NDC80: variants seen among roughly 807,000 people sequenced by gnomAD.
The protein encoded by NDC80 is kinetochore protein NDC80 homolog.
NDC80 carries 69 observed loss-of-function variants against 89.3 expected under a neutral mutation model. The observed-to-expected ratio is 0.77, with a 90% CI of 0.64 to 0.94. The LOEUF (loss-of-function observed/expected upper bound fraction) is 0.94, where lower values mean the gene tolerates loss of function less well. Among genes scored for constraint, NDC80 ranks in the 40% least tolerant of loss-of-function variants. The pLI is 0.00. For synonymous variants in NDC80, 243 were observed against 255.6 expected, an observed-to-expected ratio of 0.95 and a Z score of 0.47; for missense variants, 593 against 739.6, an observed-to-expected ratio of 0.80 and a Z score of 2.30.
chr18:2,593,371 T>G (rs549226786), intron 10 of NDC80, among the ~76,000 whole-genome samples: 1 of 152,222 alleles, frequency 6.6e-6, no homozygotes, highest in Admixed American at 6.5e-5. Flanking sequence ...AGGACTGCGT[T>G]AAGATCCAGT....
At chr18:2,605,297 TGTG>T (rs2072705374) in intron 13 of NDC80, among the ~76,000 whole-genome samples, 2 of 148,262 alleles carry the variant, frequency 1.3e-5, no homozygotes, top group East Asian at 3.9e-4. Flanking sequence ...TGTGTGTGTG[TGTG>T]TGTGTGTGTG....
rs572649620 is a variant in NDC80, at chr18:2,590,694, G to A, written c.1015+532G>A. 1.9e-4 allele frequency among the ~76,000 whole-genome samples: 29 copies of A among 152,244 alleles called. No homozygotes were observed. The East Asian group carries it at 4.2e-3, about 22-fold the overall frequency. On this transcript the variant is annotated intron_variant, in intron 10 of 16. Coordinates refer to ENST00000261597, the MANE Select transcript of NDC80 (RefSeq NM_006101.3). ...TGCAAAGACCCTTTTCCCAAATAAG[G>A]TAATTTCACAGTTTCCAGAGATAGA...
intron 16 of NDC80, among the ~76,000 whole-genome samples, chr18:2,614,763 C>T (rs1053272037): frequency 5.9e-5 from 9 of 152,128 alleles, no homozygotes; most frequent in Admixed American, 1.3e-4. Flanking sequence ...TAGTGCCCCC[C>T]GCAAAAGTCA....
intron 13 of NDC80, among the ~76,000 whole-genome samples, chr18:2,603,577 T>G (rs9957301): frequency 0.063 from 9,580 of 151,582 alleles, 328 homozygotes; most frequent in African/African-American, 0.082. Context: ...ACAAAACATT[T>G]AACCTGAAAA....
At chr18:2,574,965 A>C in intron 2 of NDC80, 24 bp from the exon 3 acceptor site, 2 of 1,446,600 alleles carry the variant, frequency 1.4e-6, no homozygotes, top group Non-Finnish European at 1.9e-6. Context: ...TATTTTAAAG[A>C]GTTGTTTTCT....
intron 6 of NDC80, among the ~76,000 whole-genome samples, chr18:2,581,854 C>T (rs1267150886): frequency 6.6e-6 from 1 of 152,034 alleles, no homozygotes; most frequent in Non-Finnish European, 1.5e-5. Flanking sequence ...TCCTCACTCT[C>T]TAAATTATTT....
chr18:2,605,555 T>C (rs2143663839), intron 13 of NDC80, among the ~76,000 whole-genome samples: 1 of 152,288 alleles, frequency 6.6e-6, no homozygotes, highest in African/African-American at 2.4e-5. Context: ...ACTGCAGATA[T>C]AACATACCTT....
intron 3 of NDC80, among the ~76,000 whole-genome samples, chr18:2,576,131 C>T (rs765698420): frequency 2.4e-4 from 37 of 152,212 alleles, no homozygotes; most frequent in Middle Eastern, 3.4e-3. Flanking sequence ...GAAACATTAT[C>T]TAGTCCAACA....
chr18:2,592,019 G>C (rs929790349), intron 10 of NDC80, among the ~76,000 whole-genome samples: 1 of 152,106 alleles, frequency 6.6e-6, no homozygotes, highest in Non-Finnish European at 1.5e-5. Context: ...CTCCCAAAGT[G>C]CTGGGATTGC....
intron 10 of NDC80, among the ~76,000 whole-genome samples, chr18:2,592,099 C>T (rs2072630701): frequency 6.6e-6 from 1 of 152,120 alleles, no homozygotes; most frequent in South Asian, 2.1e-4. Context: ...TTCTTGTCAG[C>T]ATATGATCAA....
chr18:2,614,641 G>T lies in NDC80; in HGVS notation c.1792-1796G>T, dbSNP rs8098419. On this transcript the variant is annotated intron_variant, in intron 16 of 16. Transcript: ENST00000261597. Reference sequence around the variant, plus strand: ...AGAAAGAAAGAAAGAAAGAAAGAAAGAAAGAAAGAAAGAAATAAATTTGGC... The same window carrying T: ...AGAAAGAAAGAAAGAAAGAAAGAAATAAAGAAAGAAAGAAATAAATTTGGC... Among the ~76,000 whole-genome samples the T allele has an allele frequency of 7.7e-5, 6 of 77,516 alleles. 2 individuals are homozygous for T. The highest frequency in any genetic ancestry group is 1.2e-4 in the Non-Finnish European group (5 of 40,032). The allele number at this position is 77,516 out of a possible 152,430, so 50.9% of individuals were successfully genotyped here. A position where few individuals can be genotyped will look rare whatever the true frequency, so the allele number is the denominator to read the frequency against.
At chr18:2,598,127 T>C (rs1025256439) in intron 11 of NDC80, among the ~76,000 whole-genome samples, 1 of 152,208 alleles carries the variant, frequency 6.6e-6, no homozygotes, top group Non-Finnish European at 1.5e-5. Context: ...ATCTAATGCA[T>C]TTTTGGAAAT....
chr18:2,616,055 T>G (rs888857726), intron 16 of NDC80, among the ~76,000 whole-genome samples: 5 of 152,280 alleles, frequency 3.3e-5, no homozygotes, highest in Middle Eastern at 3.4e-3. Context: ...AGATAGCATC[T>G]TGCTCTGTGA....
intron 7 of NDC80, among the ~76,000 whole-genome samples, chr18:2,586,372 G>T (rs1265696787): frequency 1.3e-5 from 2 of 152,122 alleles, no homozygotes; most frequent in African/African-American, 4.8e-5. Context: ...ATTGCAATAT[G>T]TATATTGGGC....
chr18:2,611,162 T>G (rs1254471128), intron 16 of NDC80, among the ~76,000 whole-genome samples: 1 of 151,290 alleles, frequency 6.6e-6, no homozygotes, highest in Non-Finnish European at 1.5e-5. Flanking sequence ...GATTCTCCTG[T>G]CTCAGCCTCC....
In NDC80 at chr18:2,585,100, G is replaced by A. The variant is rs748366050; in HGVS notation, c.580-13G>A. The A allele has an allele frequency of 6.2e-7, 1 of 1,602,076 alleles. No homozygotes were observed. Among genetic ancestry groups the A allele is most frequent in the African/African-American group, 1.3e-5 (1 of 74,600 alleles). ...TCAGATCAACTTGCTTTTCTTGCTT[G>A]TGTACTAATTAGATACATACTGCCA... On this transcript the variant is annotated splice_polypyrimidine_tract_variant and intron_variant, in intron 6 of 16. Coordinates refer to ENST00000261597, the MANE Select transcript of NDC80 (RefSeq NM_006101.3).
chr18:2,607,462 T>C (rs2143665784), intron 14 of NDC80, among the ~76,000 whole-genome samples: 1 of 152,256 alleles, frequency 6.6e-6, no homozygotes, highest in South Asian at 2.1e-4. Context: ...TTTCCTGTTG[T>C]TCAGACTGGA....
In NDC80 at chr18:2,606,496, C is replaced by A; in HGVS notation, c.1546C>A (p.Gln516Lys). The change falls in exon 14 of 17, where the codon CAA becomes AAA. Residue 516 changes from glutamine to lysine, a missense_variant. Coordinates refer to ENST00000261597, the MANE Select transcript of NDC80 (RefSeq NM_006101.3). ...TCAAAAGCTGGATGATCTTTACCAACAAAAAATTAAGGTAAGAACTTTGCC... is the reference window on the plus strand; with the variant it reads ...TCAAAAGCTGGATGATCTTTACCAAAAAAAAATTAAGGTAAGAACTTTGCC... ...EVQKLDDLYQQKIKEAEEEDE... is the reference protein window; with the variant it reads ...EVQKLDDLYQKKIKEAEEEDE... 6.3e-7 allele frequency: 1 copy of A among 1,598,712 alleles called. No individual in the cohort carries two copies. Among genetic ancestry groups the A allele is most frequent in the South Asian group, 1.1e-5 (1 of 88,868 alleles).
chr18:2,580,347 T>A (rs1243685331), intron 6 of NDC80, among the ~76,000 whole-genome samples: 2 of 151,984 alleles, frequency 1.3e-5, no homozygotes, highest in Non-Finnish European at 2.9e-5. Context: ...TTTTTTTTTT[T>A]AATTTCATGT....
Sources: gnomAD v4.1 joint callset for allele counts (sites outside exome capture counted in the v4.1 genomes callset) on GRCh38, gnomAD v4.1.1 for gene constraint, MANE v1.5 for transcripts, NCBI Gene and HGNC (gene_info 2026-07-23, HGNC 2026-07-21) for gene names.